MED13L: variants seen among roughly 807,000 people sequenced by gnomAD.
MED13L encodes mediator of RNA polymerase II transcription subunit 13-like.
A neutral mutation model predicts 220.9 loss-of-function variants in MED13L; 7 were observed. The observed-to-expected ratio is 0.03, with a 90% CI of 0.02 to 0.06. The LOEUF is 0.06. Ranked by LOEUF, MED13L falls within the 10% of genes least tolerant of loss-of-function variation. MED13L has a pLI of 1.00. For synonymous variants in MED13L, 1,011 were observed against 1,015.2 expected, an observed-to-expected ratio of 1.00 and a Z score of 0.08; for missense variants, 1,965 against 2,760.5, an observed-to-expected ratio of 0.71 and a Z score of 6.46.
In MED13L at chr12:116,003,048, G is replaced by T. The variant is rs1064793483; in HGVS notation, c.2524C>A (p.Arg842=). ...GCTCTTCCATCCTTCCCAAGAGGTC[G>T]GTCTTCTGTCCCAACTGCAGGCATT... The part of the protein sequence containing the change: ...SKMPAVGTED[R]PLGKDGRAAV... Residue 842 remains arginine, a synonymous_variant, in exon 14 of 31, where the codon CGA becomes AGA. Coordinates refer to ENST00000281928, the MANE Select transcript of MED13L (RefSeq NM_015335.5). The T allele has an allele frequency of 1.2e-6, 2 of 1,614,114 alleles. No individual in the cohort carries two copies. Among genetic ancestry groups the T allele is most frequent in the South Asian group, 2.2e-5 (2 of 91,076 alleles).
intron 2 of MED13L, among the ~76,000 whole-genome samples, chr12:116,165,150 G>A (rs909938020): frequency 6.6e-6 from 1 of 151,202 alleles, no homozygotes; most frequent in African/African-American, 2.4e-5. Flanking sequence ...CTGACATTCA[G>A]ACTCCTGACA....
intron 2 of MED13L, among the ~76,000 whole-genome samples, chr12:116,161,711 C>T (rs1878867202): frequency 6.6e-6 from 1 of 152,076 alleles, no homozygotes; most frequent in Admixed American, 6.6e-5. Flanking sequence ...CTTACTCAAA[C>T]CAGAGGTCAG....
At chr12:116,237,020 C>A in intron 2 of MED13L, 1 of 293,628 alleles carries the variant, frequency 3.4e-6, no homozygotes, top group Non-Finnish European at 5.1e-6. Context: ...CAATTTTGTC[C>A]AATTAGGCTC....
intron 25 of MED13L, among the ~76,000 whole-genome samples, 167 bp downstream of exon 25, chr12:115,975,004 C>A (rs1313586497): frequency 6.6e-6 from 1 of 151,874 alleles, no homozygotes; most frequent in Non-Finnish European, 1.5e-5. Flanking sequence ...TATTTTGTTG[C>A]CAAAGAAGAG....
At chr12:115,974,706 T>A (rs1876815905) in intron 25 of MED13L, among the ~76,000 whole-genome samples, 1 of 152,198 alleles carries the variant, frequency 6.6e-6, no homozygotes, top group African/African-American at 2.4e-5. Flanking sequence ...GGCAACTACT[T>A]GTCCTCATGA....
chr12:116,142,758 T>C (rs1877187839), intron 2 of MED13L, among the ~76,000 whole-genome samples: 1 of 152,206 alleles, frequency 6.6e-6, no homozygotes, highest in Non-Finnish European at 1.5e-5. Flanking sequence ...AATTGATGTA[T>C]GTGTGCATAA....
chr12:116,238,015 T>TTTCTATGTTA (rs909850819), intron 1 of MED13L, among the ~76,000 whole-genome samples: 5 of 152,230 alleles, frequency 3.3e-5, no homozygotes, highest in Admixed American at 1.3e-4. Context: ...AGAAAACTAT[T>TTTCTATGTTA]TTCTATGTTA....
intron 10 of MED13L, chr12:116,008,144 G>A (rs1879167521): frequency 4.1e-6 from 2 of 488,454 alleles, no homozygotes; most frequent in African/African-American, 2.0e-5. Flanking sequence ...AAACAGTAGG[G>A]CAAAAATGTA....
chr12:116,012,100 G>A (rs902419395), intron 9 of MED13L, among the ~76,000 whole-genome samples: 3 of 152,144 alleles, frequency 2.0e-5, no homozygotes, highest in Non-Finnish European at 2.9e-5. Context: ...TAGCCCAGTC[G>A]TGGTGAAAAA....
At chr12:116,022,231 A>G (rs1243311363) in intron 5 of MED13L, among the ~76,000 whole-genome samples, 1 of 152,238 alleles carries the variant, frequency 6.6e-6, no homozygotes, top group Non-Finnish European at 1.5e-5. Context: ...AAGAATACAC[A>G]TAAGACCATC....
intron 1 of MED13L, among the ~76,000 whole-genome samples, chr12:116,259,040 T>C (rs777765403): frequency 2.0e-4 from 31 of 151,942 alleles, no homozygotes; most frequent in Non-Finnish European, 3.8e-4. Context: ...CTTTTTAAAC[T>C]GTTTATAGCT....
At chr12:116,120,440 T>TCTCTC (rs1874947546) in intron 2 of MED13L, among the ~76,000 whole-genome samples, 1 of 98,324 alleles carries the variant, frequency 1.0e-5, no homozygotes, top group African/African-American at 4.0e-5. Context: ...TAATCTCTCT[T>TCTCTC]TCTCTCTCTC....
chr12:116,056,476 A>G (rs754566806), intron 4 of MED13L, among the ~76,000 whole-genome samples: 36 of 152,226 alleles, frequency 2.4e-4, no homozygotes, highest in Middle Eastern at 3.4e-3. Flanking sequence ...CAATCTGTCC[A>G]GCTCTGAATT....
chr12:116,081,835 C>A (rs1871259093), intron 4 of MED13L, among the ~76,000 whole-genome samples: 1 of 152,204 alleles, frequency 6.6e-6, no homozygotes, highest in African/African-American at 2.4e-5. Flanking sequence ...CCACTGCACT[C>A]CAGCCTGGGC....
At chr12:116,105,672 G>A (rs952401123) in intron 3 of MED13L, among the ~76,000 whole-genome samples, 1 of 152,158 alleles carries the variant, frequency 6.6e-6, no homozygotes, top group Admixed American at 6.5e-5. Context: ...TAACTGGCCA[G>A]CTGTCTGGAA....
chr12:116,122,684 T>C (rs1268807809), intron 2 of MED13L, among the ~76,000 whole-genome samples: 2 of 152,186 alleles, frequency 1.3e-5, no homozygotes, highest in Non-Finnish European at 2.9e-5. Context: ...AGAAGCACAA[T>C]TGCGATTCAA....
intron 3 of MED13L, among the ~76,000 whole-genome samples, chr12:116,097,798 TAAC>T (rs893321164): frequency 4.6e-5 from 7 of 152,322 alleles, no homozygotes; most frequent in Non-Finnish European, 8.8e-5. Flanking sequence ...CCAACTCTTG[TAAC>T]AACAATAACA....
chr12:115,980,903 C>T lies in MED13L; in HGVS notation c.5211G>A (p.Lys1737=), dbSNP rs376850639. ...VPCQYMLQTM[K]DEQVFYIQYL... ...ATTGAATGTAGAAAACTTGCTCATC[C>T]TTCATTGTCTGCAGCATGTACTGGC... is the stretch of plus-strand genomic sequence containing the variant. The change falls in exon 23 of 31, where the codon AAG becomes AAA. Residue 1737 remains lysine, a synonymous_variant. Transcript: ENST00000281928. The T allele has an allele frequency of 1.1e-5, 17 of 1,612,672 alleles. No individual in the cohort carries two copies. The African/African-American group carries it at 2.0e-4, about 19-fold the overall frequency.
chr12:116,102,686 A>ATTTTCT (rs368935597), intron 3 of MED13L, among the ~76,000 whole-genome samples: 3 of 89,086 alleles, frequency 3.4e-5, no homozygotes, highest in Non-Finnish European at 4.4e-5. Flanking sequence ...TAATCCCTAT[A>ATTTTCT]TTTTCTTTTT....
Sources: gnomAD v4.1 joint callset for allele counts (sites outside exome capture counted in the v4.1 genomes callset) on GRCh38, gnomAD v4.1.1 for gene constraint, MANE v1.5 for transcripts, NCBI Gene and HGNC (gene_info 2026-07-23, HGNC 2026-07-21) for gene names.